The following ZC3H12B variants were observed in gnomAD, a reference collection of about 807,000 sequenced individuals.
ZC3H12B encodes probable ribonuclease ZC3H12B.
Under a neutral mutation model 43.9 loss-of-function variants are expected in ZC3H12B, and 7 were observed. That is an observed-to-expected ratio of 0.16 (90% CI 0.09 to 0.30). ZC3H12B has a LOEUF of 0.30. ZC3H12B is among the 10% of genes least tolerant of loss of function. The pLI, the probability that ZC3H12B is intolerant of heterozygous loss-of-function variation, is 1.00. For synonymous variants in ZC3H12B, 222 were observed against 241.7 expected (o/e 0.92, Z 0.76); for missense variants, 475 against 670.2 (o/e 0.71, Z 3.22).
intron 3 of ZC3H12B, among the ~76,000 whole-genome samples, chrX:65,471,445 ATTTT>A (rs781370409): frequency 7.4e-4 from 45 of 61,062 alleles, no homozygotes; most frequent in African/African-American, 3.2e-3. Flanking sequence ...TTGGTTTGTG[ATTTT>A]TTTTTTTTTT....
At chrX:65,120,817 C>T in the ZC3H12B span, among the ~76,000 whole-genome samples, 5 of 111,277 alleles carry the variant, frequency 4.5e-5, no homozygotes, top group East Asian at 8.5e-4. Flanking sequence ...TTTTGAGATA[C>T]GTCTCATCAA....
the ZC3H12B span, among the ~76,000 whole-genome samples, chrX:65,273,406 T>G: frequency 9.5e-6 from 1 of 105,637 alleles, no homozygotes; most frequent in Non-Finnish European, 1.9e-5. Context: ...TTATCCTGTC[T>G]GAATAGAAAA....
At chrX:65,162,101 C>T in the ZC3H12B span, among the ~76,000 whole-genome samples, 10 of 111,768 alleles carry the variant, frequency 8.9e-5, no homozygotes, top group Non-Finnish European at 1.7e-4. Flanking sequence ...GGCCCCCACT[C>T]TCTTCTGGCT....
the ZC3H12B span, among the ~76,000 whole-genome samples, chrX:65,048,810 A>G: frequency 9.0e-6 from 1 of 110,867 alleles, no homozygotes; most frequent in Non-Finnish European, 1.9e-5. Context: ...GTAAGACCTA[A>G]TGTACGACAC....
chrX:65,389,419 G>A (rs933106707), intron 2 of ZC3H12B, among the ~76,000 whole-genome samples: 1 of 112,511 alleles, frequency 8.9e-6, no homozygotes, highest in South Asian at 3.7e-4. Context: ...CTCCATGGGC[G>A]TAGGACTCTC....
At chrX:65,168,325 T>C in the ZC3H12B span, among the ~76,000 whole-genome samples, 1 of 111,906 alleles carries the variant, frequency 8.9e-6, no homozygotes, top group African/African-American at 3.3e-5. Flanking sequence ...TCGGTTTATA[T>C]GCTTGATTAC....
the ZC3H12B span, among the ~76,000 whole-genome samples, chrX:65,303,225 G>A: frequency 2.7e-5 from 3 of 110,651 alleles, no homozygotes; most frequent in East Asian, 2.8e-4. Context: ...GGTAAAGGAC[G>A]GGAGGAAGGA....
At chrX:65,207,635 G>T in the ZC3H12B span, among the ~76,000 whole-genome samples, 1 of 106,876 alleles carries the variant, frequency 9.4e-6, no homozygotes, top group Non-Finnish European at 1.9e-5. Context: ...TGTTCTTTTG[G>T]CTTAGGATTG....
chrX:65,314,027 G>C, the ZC3H12B span, among the ~76,000 whole-genome samples: 3 of 111,590 alleles, frequency 2.7e-5, no homozygotes, highest in Non-Finnish European at 5.7e-5. Context: ...TGATATTTTA[G>C]AAAAACTACT....
At chrX:65,151,003 G>A in the ZC3H12B span, among the ~76,000 whole-genome samples, 22 of 111,859 alleles carry the variant, frequency 2.0e-4, no homozygotes, top group African/African-American at 7.1e-4. Context: ...AAAATAACAT[G>A]TATAATAATT....
the ZC3H12B span, among the ~76,000 whole-genome samples, chrX:65,146,340 T>G: frequency 8.9e-6 from 1 of 111,935 alleles, no homozygotes; most frequent in Non-Finnish European, 1.9e-5. Flanking sequence ...TTTTGTTTTT[T>G]ATTTATGCTA....
the ZC3H12B span, among the ~76,000 whole-genome samples, chrX:65,116,786 A>T: frequency 9.1e-6 from 1 of 109,946 alleles, no homozygotes; most frequent in Non-Finnish European, 1.9e-5. Flanking sequence ...TCATTGTTCA[A>T]TTCCAACCTA....
chrX:65,057,087 T>C, the ZC3H12B span, among the ~76,000 whole-genome samples: 2 of 112,062 alleles, frequency 1.8e-5, no homozygotes, highest in African/African-American at 6.5e-5. Context: ...CCCATTTACA[T>C]TTAAGGTTAA....
At chrX:65,186,897 G>GTA in the ZC3H12B span, among the ~76,000 whole-genome samples, 8 of 111,692 alleles carry the variant, frequency 7.2e-5, no homozygotes, top group Admixed American at 1.9e-4. Context: ...GTATTCCATG[G>GTA]TATATATATA....
the ZC3H12B span, among the ~76,000 whole-genome samples, chrX:65,233,412 A>G: frequency 1.8e-5 from 2 of 111,569 alleles, no homozygotes; most frequent in African/African-American, 6.5e-5. Flanking sequence ...TGTGACTACA[A>G]TGGAATAAAA....
chrX:65,372,501 A>AAAGGAAGGAAGG lies in ZC3H12B; in HGVS notation n.295+3538_295+3549dup, dbSNP rs542094495. Among the ~76,000 whole-genome samples the AAAGGAAGGAAGG allele has an allele frequency of 2.0e-3, 170 of 83,453 alleles. 1 individual carries two copies. The highest frequency in any genetic ancestry group is 5.8e-3 in the Admixed American group (40 of 6,940). 72.5% of individuals were successfully genotyped at this position (83,453 alleles called of 115,157 possible). ...AAGGGAGGAAGGGAAGGAAGGAAGG[A>AAAGGAAGGAAGG]AAGGAAGGAAGGAAGGAAGGAAGGA... On this transcript the variant is annotated intron_variant and non_coding_transcript_variant, in intron 2 of 5. Transcript: ENST00000617377.
At chrX:65,300,385 C>T in the ZC3H12B span, among the ~76,000 whole-genome samples, 5 of 111,589 alleles carry the variant, frequency 4.5e-5, no homozygotes, top group African/African-American at 1.6e-4. Context: ...GAGGCCTCTC[C>T]TGGCTTTCTC....
intron 3 of ZC3H12B, among the ~76,000 whole-genome samples, chrX:65,415,239 C>T (rs1386814384): frequency 8.9e-6 from 1 of 112,125 alleles, no homozygotes; most frequent in Non-Finnish European, 1.9e-5. Flanking sequence ...TTTATCATGC[C>T]GATGAAGGCT....
At chrX:65,466,915 A>AATATATATATATATATATAT (rs58150008) in intron 3 of ZC3H12B, among the ~76,000 whole-genome samples, 1 of 23,941 alleles carries the variant, frequency 4.2e-5, no homozygotes, top group Non-Finnish European at 1.6e-4. Context: ...TATAAAACCA[A>AATATATATATATATATATAT]ATATATATAT....
Sources: allele counts gnomAD v4.1 joint callset (sites outside exome capture counted in the v4.1 genomes callset), GRCh38; gene constraint gnomAD v4.1.1; transcripts MANE v1.5; gene names NCBI Gene and HGNC (gene_info 2026-07-23, HGNC 2026-07-21).